A4GALT: variants seen among roughly 807,000 people sequenced by gnomAD.
A4GALT encodes the protein alpha 1,4-galactosyltransferase (P1PK blood group).
For synonymous variants in A4GALT, 257 were observed against 220.7 expected, an observed-to-expected ratio of 1.16 and a Z score of -1.46; for missense variants, 512 against 486.0, an observed-to-expected ratio of 1.05 and a Z score of -0.50.
chr22:42,718,499 A>G (rs1406108971), intron 1 of A4GALT: 2 of 152,188 alleles, frequency 1.3e-5, no homozygotes, highest in East Asian at 1.9e-4. Context: ...TCCTGACTTC[A>G]AGTGATCCAC....
At chr22:42,708,413 T>G (rs1329142286) in intron 1 of A4GALT, among the ~76,000 whole-genome samples, 1 of 151,668 alleles carries the variant, frequency 6.6e-6, no homozygotes, top group East Asian at 1.9e-4. Context: ...TGTGGTGGTG[T>G]GTACCTGCAG....
chr22:42,696,138 A>AAAAAAAAAAC (rs1642803896), intron 1 of A4GALT, among the ~76,000 whole-genome samples: 1 of 147,362 alleles, frequency 6.8e-6, no homozygotes, highest in Non-Finnish European at 1.5e-5. Flanking sequence ...AAAAAAAAAA[A>AAAAAAAAAAC]AGCCAGGCGC....
chr22:42,697,353 G>T (rs1423003804), intron 1 of A4GALT, among the ~76,000 whole-genome samples: 1 of 152,130 alleles, frequency 6.6e-6, no homozygotes, highest in African/African-American at 2.4e-5. Flanking sequence ...GCTGTGGTGT[G>T]AACCAAGACA....
chr22:42,707,566 G>A (rs6002921), intron 1 of A4GALT, among the ~76,000 whole-genome samples: 38 of 152,260 alleles, frequency 2.5e-4, no homozygotes, highest in East Asian at 1.7e-3. Flanking sequence ...GCTGAGGCAC[G>A]AGAATTGCTT....
chr22:42,715,733 A>G (rs1334787784), intron 1 of A4GALT, among the ~76,000 whole-genome samples: 1 of 152,156 alleles, frequency 6.6e-6, no homozygotes, highest in African/African-American at 2.4e-5. Flanking sequence ...ATTTAAAAAA[A>G]AAGGTAACTC....
chr22:42,693,717 T>A lies in A4GALT; in HGVS notation c.235A>T (p.Ile79Phe). 1 of 1,399,910 alleles carries A rather than the reference T, an allele frequency of 7.1e-7. No homozygotes were observed. Among genetic ancestry groups the A allele is most frequent in the Non-Finnish European group, 9.5e-7 (1 of 1,052,004 alleles). 86.7% of individuals were successfully genotyped at this position (1,399,910 alleles called of 1,614,324 possible). Residue 79 changes from isoleucine to phenylalanine, a missense_variant, in exon 3 of 3, where the codon ATC (isoleucine) becomes TTC (phenylalanine). Coordinates refer to ENST00000642412, the MANE Select transcript of A4GALT (RefSeq NM_017436.7). Reference sequence around the variant, plus strand: ...CGGTCTGAAGTCTCCAGGAAGAAGATGTTGCCTGGAGTGGGGCCGTGGGAG... The same window carrying A: ...CGGTCTGAAGTCTCCAGGAAGAAGAAGTTGCCTGGAGTGGGGCCGTGGGAG... ...PPSHGPTPGN[I>F]FFLETSDRTN... is the part of the protein sequence containing the mutation.
At chr22:42,720,251 C>T (rs1922592949) in intron 1 of A4GALT, among the ~76,000 whole-genome samples, 1 of 152,232 alleles carries the variant, frequency 6.6e-6, no homozygotes, top group Non-Finnish European at 1.5e-5. Context: ...GCCCTTCCCG[C>T]TTCTGGGCAG....
At chr22:42,713,064 C>T (rs1238555677) in intron 1 of A4GALT, among the ~76,000 whole-genome samples, 1 of 152,160 alleles carries the variant, frequency 6.6e-6, no homozygotes, top group Non-Finnish European at 1.5e-5. Context: ...TGTAGCCTCC[C>T]CCTCAATTCT....
intron 1 of A4GALT, among the ~76,000 whole-genome samples, chr22:42,719,766 G>C (rs1349413786): frequency 6.6e-6 from 1 of 152,152 alleles, no homozygotes; most frequent in Non-Finnish European, 1.5e-5. Flanking sequence ...GGCGGGAACG[G>C]GAAGGCCAGA....
chr22:42,709,344 C>CAAAA (rs71311459), intron 1 of A4GALT, among the ~76,000 whole-genome samples: 113 of 112,116 alleles, frequency 1.0e-3, no homozygotes, highest in South Asian at 1.9e-3. Context: ...TGTGCCAGGC[C>CAAAA]AAAAAAAAAA....
intron 1 of A4GALT, among the ~76,000 whole-genome samples, chr22:42,707,040 T>G (rs1921208700): frequency 6.6e-6 from 1 of 152,134 alleles, no homozygotes; most frequent in Non-Finnish European, 1.5e-5. Flanking sequence ...ATAAGAGATT[T>G]TAATTTACCA....
intron 1 of A4GALT, among the ~76,000 whole-genome samples, chr22:42,702,364 GGA>G (rs1333116643): frequency 8.3e-5 from 12 of 144,536 alleles, no homozygotes; most frequent in African/African-American, 3.2e-4. Context: ...TTTCACAGAT[GGA>G]GTCTTGCTCT....
At position 42,693,184 on chromosome 22, in the gene A4GALT, C is replaced by G; in HGVS notation, c.768G>C (p.Arg256=). ...GGATGGAACACCACTTCTTGAAGAC[C>G]CGCGTGAGCAGCTGCGGGCCCTGGT... ...WGHQGPQLLT[R]VFKKWCSIRS... The change falls in exon 3 of 3, where the codon CGG becomes CGC. Residue 256 remains arginine, a synonymous_variant. Transcript: ENST00000642412. 1.9e-6 allele frequency: 3 copies of G among 1,598,518 alleles called. No individual in the cohort carries two copies. The highest frequency in any genetic ancestry group is 2.6e-6 in the Non-Finnish European group (3 of 1,173,678).
In A4GALT at chr22:42,706,178, A is replaced by C. The variant is rs1434291705; in HGVS notation, c.-187-10547T>G. ...AGACCATCCTGGCTAACACGGTGAA[A>C]CCCCGTCTCTACTAAAAATACAAAA... On this transcript the variant is annotated intron_variant, in intron 1 of 2. Coordinates refer to ENST00000642412, the MANE Select transcript of A4GALT (RefSeq NM_017436.7). Among the ~76,000 whole-genome samples the C allele has an allele frequency of 1.5e-5, 2 of 132,882 alleles. 1 individual carries two copies. Among genetic ancestry groups the C allele is most frequent in the Non-Finnish European group, 3.4e-5 (2 of 59,574 alleles). The allele number at this position is 132,882 out of a possible 152,430, so 87.2% of individuals were successfully genotyped here.
chr22:42,693,668 A>G lies in A4GALT; in HGVS notation c.284T>C (p.Met95Thr), dbSNP rs1930677551. 6.7e-7 allele frequency: 1 copy of G among 1,491,236 alleles called. No individual in the cohort carries two copies. The highest frequency in any genetic ancestry group is 1.4e-5 in the African/African-American group (1 of 69,374). 92.4% of individuals were successfully genotyped at this position (1,491,236 alleles called of 1,614,324 possible). A position where few individuals can be genotyped will look rare whatever the true frequency, so the allele number is the denominator to read the frequency against. ...SDRTNPNFLF[M>T]CSVESAARTH... ...TCTGGCGGCCGACTCCACCGAGCAC[A>G]TGAACAGGAAGTTGGGGTTGGTCCG... The change falls in exon 3 of 3, where the codon ATG (methionine) becomes ACG (threonine). Residue 95 changes from methionine (M) to threonine (T), a missense_variant. By Grantham distance (81) the Met-to-Thr change is moderately conservative. Coordinates refer to ENST00000642412, the MANE Select transcript of A4GALT (RefSeq NM_017436.7).
chr22:42,710,572 C>G (rs1921591997), intron 1 of A4GALT, among the ~76,000 whole-genome samples: 1 of 151,956 alleles, frequency 6.6e-6, no homozygotes, highest in African/African-American at 2.4e-5. Flanking sequence ...TGGTATGCAC[C>G]TGTGGTCCCA....
At chr22:42,708,784 T>TA (rs1921399221) in intron 1 of A4GALT, among the ~76,000 whole-genome samples, 1 of 151,938 alleles carries the variant, frequency 6.6e-6, no homozygotes, top group Admixed American at 6.6e-5. Context: ...ATAATTGTTT[T>TA]AAAAAATAAG....
intron 1 of A4GALT, among the ~76,000 whole-genome samples, chr22:42,716,365 T>C (rs1309720892): frequency 6.6e-6 from 1 of 152,144 alleles, no homozygotes. Context: ...GAGTTAACAT[T>C]TATTAAAAGC....
chr22:42,708,036 C>T (rs1206279467), intron 1 of A4GALT, among the ~76,000 whole-genome samples: 1 of 151,848 alleles, frequency 6.6e-6, no homozygotes, highest in African/African-American at 2.4e-5. Context: ...GGCAGATCAC[C>T]TGAGGTTGGG....
Sources: gnomAD v4.1 joint callset for allele counts (sites outside exome capture counted in the v4.1 genomes callset) on GRCh38, gnomAD v4.1.1 for gene constraint, MANE v1.5 for transcripts, NCBI Gene and HGNC (gene_info 2026-07-23, HGNC 2026-07-21) for gene names.